The following ZNF578 variants were observed in gnomAD, a reference collection of about 807,000 sequenced individuals.
The protein encoded by ZNF578 is Putative chemokine-related protein B42.
Under a neutral mutation model 8.3 loss-of-function variants are expected in ZNF578, and 8 were observed. That is an observed-to-expected ratio of 0.96 (90% CI 0.56 to 1.74). ZNF578 has a LOEUF of 1.74. ZNF578 is among the 40% of genes most tolerant of loss of function. The pLI, the probability that ZNF578 is intolerant of heterozygous loss-of-function variation, is 0.00. For synonymous variants in ZNF578, 206 were observed against 232.2 expected (o/e 0.89, Z 1.03); for missense variants, 726 against 707.5 (o/e 1.03, Z -0.30).
In ZNF578 at chr19:52,510,880, C is replaced by T. The variant is rs369512244; in HGVS notation, c.499C>T (p.Leu167Phe). 1.4e-4 allele frequency: 231 copies of T among 1,614,210 alleles called. 1 individual carries two copies. The highest frequency in any genetic ancestry group is 4.9e-4 in the Middle Eastern group (3 of 6,062). ...AAGCTTTCATTTGCATCTTCCTGAA[C>T]TCCACATATTTCAGCCCGAAGAGAA... ...GLSFHLHLPELHIFQPEEKIA... is the reference protein window; with the variant it reads ...GLSFHLHLPEFHIFQPEEKIA... The change falls in exon 6 of 6, where the codon CTC (leucine) becomes TTC (phenylalanine). Residue 167 changes from leucine (L) to phenylalanine (F), a missense_variant. Leu to Phe is a conservative substitution (Grantham distance 22). Transcript: ENST00000421239.
chr19:52,506,563 G>T (rs1360669445), intron 5 of ZNF578, among the ~76,000 whole-genome samples: 1 of 149,314 alleles, frequency 6.7e-6, no homozygotes, highest in Admixed American at 6.8e-5. Context: ...CACCTCCCAG[G>T]TCAGGCAATC....
intron 3 of ZNF578, among the ~76,000 whole-genome samples, chr19:52,497,347 T>C (rs1673890): frequency 0.2 from 30,540 of 152,146 alleles, 3,231 homozygotes; most frequent in Non-Finnish European, 0.22. Context: ...CCGCCCACCT[T>C]GGCCTCCCAA....
chr19:52,492,916 T>G (rs1189142504), intron 3 of ZNF578: 1 of 152,284 alleles, frequency 6.6e-6, no homozygotes, highest in African/African-American at 2.4e-5. Context: ...TCCCCGGCGC[T>G]TCTGTCCCTA....
chr19:52,473,801 C>T, intron 2 of ZNF578: 1 of 313,504 alleles, frequency 3.2e-6, no homozygotes, highest in South Asian at 8.6e-5. Flanking sequence ...TTCTTTGGCA[C>T]ATTTATTGCA....
rs532849975 is a variant in ZNF578 at position 52,466,178 on chromosome 19, G to A, written c.-122+9220G>A. ...CATACACCTAATCTATAGCAGTGGCGGTTTAGGTAAATTTTCTTTGTGCTG... is the reference window on the plus strand; with the variant it reads ...CATACACCTAATCTATAGCAGTGGCAGTTTAGGTAAATTTTCTTTGTGCTG... On this transcript the variant is annotated intron_variant, in intron 2 of 5. Transcript: ENST00000421239. 2.8e-4 allele frequency among the ~76,000 whole-genome samples: 42 copies of A among 152,288 alleles called. No individual in the cohort carries two copies. The East Asian group carries it at 8.1e-3, about 29-fold the overall frequency.
In ZNF578 at chr19:52,513,897, C is replaced by T. The variant is rs1241477340; in HGVS notation, c.*1743C>T. Among the ~76,000 whole-genome samples the T allele has an allele frequency of 1.3e-5, 2 of 152,140 alleles. No homozygotes were observed. Among genetic ancestry groups the T allele is most frequent in the East Asian group, 1.9e-4 (1 of 5,182 alleles). ...AAAGTTAGCCAGGGGTGGGGGTGTG[C>T]ACCTTTAGTTCCAGCTACTTGGGAC... On this transcript the variant is annotated 3_prime_UTR_variant, in exon 6 of 6. Transcript: ENST00000421239.
intron 5 of ZNF578, among the ~76,000 whole-genome samples, chr19:52,505,455 C>A (rs2059422502): frequency 6.6e-6 from 1 of 152,090 alleles, no homozygotes; most frequent in Admixed American, 6.6e-5. Flanking sequence ...GACAGTCTCG[C>A]TCTTTCACCC....
At chr19:52,503,883 C>T (rs991818368) in intron 4 of ZNF578, among the ~76,000 whole-genome samples, 9 of 150,800 alleles carry the variant, frequency 6.0e-5, no homozygotes, top group African/African-American at 1.2e-4. Flanking sequence ...CTGCAACCTC[C>T]GCCTCCCGGA....
chr19:52,512,416 G>T lies in ZNF578; in HGVS notation c.*262G>T. The T allele has an allele frequency of 6.9e-7, 1 of 1,454,608 alleles. No individual in the cohort carries two copies. The highest frequency in any genetic ancestry group is 9.6e-7 in the Non-Finnish European group (1 of 1,039,056). The allele number at this position is 1,454,608 out of a possible 1,614,324, so 90.1% of individuals were successfully genotyped here. The stretch of plus-strand genomic sequence containing the variant: ...AAATCATTGGAGAATCCATAATGAA[G>T]AGAGATCTTCCGAGTGTAATAAATG... On this transcript the variant is annotated 3_prime_UTR_variant, in exon 6 of 6. Transcript: ENST00000421239.
intron 2 of ZNF578, among the ~76,000 whole-genome samples, chr19:52,465,782 T>A (rs1326996941): frequency 6.6e-6 from 1 of 152,254 alleles, no homozygotes; most frequent in East Asian, 1.9e-4. Flanking sequence ...TTTGTGTCCC[T>A]GGCTTTCTCT....
intron 2 of ZNF578, among the ~76,000 whole-genome samples, chr19:52,465,901 G>A (rs116041521): frequency 0.018 from 2,787 of 152,192 alleles, 76 homozygotes; most frequent in African/African-American, 0.065. Context: ...AGATTCTCTC[G>A]GGCCCCATGG....
At chr19:52,502,746 A>G (rs1437024319) in intron 4 of ZNF578, among the ~76,000 whole-genome samples, 2 of 152,148 alleles carry the variant, frequency 1.3e-5, no homozygotes, top group African/African-American at 2.4e-5. Context: ...CAAAAGAAAA[A>G]GAGAGGGAGA....
At chr19:52,477,665 G>A (rs577457114) in intron 2 of ZNF578, among the ~76,000 whole-genome samples, 6 of 150,596 alleles carry the variant, frequency 4.0e-5, no homozygotes, top group Admixed American at 3.3e-4. Flanking sequence ...TGCCAAATTA[G>A]CCATTTCTTG....
intron 2 of ZNF578, among the ~76,000 whole-genome samples, chr19:52,488,194 C>T (rs916299057): frequency 4.6e-5 from 7 of 151,864 alleles, no homozygotes; most frequent in South Asian, 2.1e-4. Context: ...TCAAGTGATC[C>T]GCTGCCTGGG....
intron 3 of ZNF578, among the ~76,000 whole-genome samples, chr19:52,498,456 G>A (rs551152142): frequency 6.5e-4 from 98 of 150,830 alleles, no homozygotes; most frequent in Non-Finnish European, 8.4e-4. Context: ...CTCAGCCTCC[G>A]GAGTAGCTGG....
intron 2 of ZNF578, among the ~76,000 whole-genome samples, chr19:52,475,939 T>C (rs1199335831): frequency 6.6e-6 from 1 of 152,136 alleles, no homozygotes; most frequent in African/African-American, 2.4e-5. Context: ...GGAAACATAT[T>C]CCAAGGCTCC....
At chr19:52,497,567 G>C (rs958212123) in intron 3 of ZNF578, among the ~76,000 whole-genome samples, 6 of 152,086 alleles carry the variant, frequency 3.9e-5, no homozygotes, top group African/African-American at 2.4e-5. Context: ...TCTCCTTTGA[G>C]CCAAGATTTC....
At position 52,512,312 on chromosome 19, in the gene ZNF578, A is replaced by G. The variant is rs2059452231; in HGVS notation, c.*158A>G. ...CTTTAGTGACCAGTCAACACTTACCATCAGGCCATTCATGGTGTAGGGAAA... is the reference window on the plus strand; with the variant it reads ...CTTTAGTGACCAGTCAACACTTACCGTCAGGCCATTCATGGTGTAGGGAAA... On this transcript the variant is annotated 3_prime_UTR_variant, in exon 6 of 6. Transcript: ENST00000421239. 1.3e-6 allele frequency: 2 copies of G among 1,546,200 alleles called. No homozygotes were observed. The highest frequency in any genetic ancestry group is 4.5e-5 in the East Asian group (2 of 44,532).
Position 52,515,291 on chromosome 19 carries a change from TGC to T in ZNF578, c.*3138_*3139del. ...TCATGTATTCTTGATTGAAATAATT[TGC>T]TTATTTCTTAGTTCTACAGCTGACC... is the stretch of plus-strand genomic sequence containing the variant. On this transcript the variant is annotated 3_prime_UTR_variant, in exon 6 of 6. Coordinates refer to ENST00000421239, the MANE Select transcript of ZNF578 (RefSeq NM_001099694.2). Among the ~76,000 whole-genome samples the T allele has an allele frequency of 6.6e-6, 1 of 152,160 alleles. No individual in the cohort carries two copies. Among genetic ancestry groups the T allele is most frequent in the African/African-American group, 2.4e-5 (1 of 41,436 alleles).
Sources: allele counts gnomAD v4.1 joint callset (sites outside exome capture counted in the v4.1 genomes callset), GRCh38; gene constraint gnomAD v4.1.1; transcripts MANE v1.5; gene names NCBI Gene and HGNC (gene_info 2026-07-23, HGNC 2026-07-21).